ASTN1: variants seen among roughly 807,000 people sequenced by gnomAD.
ASTN1 encodes the protein astrotactin-1.
ASTN1 carries 41 observed loss-of-function variants against 140.7 expected under a neutral mutation model. The observed-to-expected ratio is 0.29, with a 90% CI of 0.23 to 0.38. ASTN1 has a LOEUF of 0.38. Ranked by LOEUF, ASTN1 falls within the 10% of genes least tolerant of loss-of-function variation. ASTN1 has a pLI of 1.00. For synonymous variants in ASTN1, 640 were observed against 652.2 expected (o/e 0.98, Z 0.29); for missense variants, 1,479 against 1,678.8 (o/e 0.88, Z 2.08).
intron 1 of ASTN1, among the ~76,000 whole-genome samples, chr1:177,120,009 T>C (rs555653577): frequency 6.6e-6 from 1 of 152,228 alleles, no homozygotes; most frequent in African/African-American, 2.4e-5. Context: ...AGGAACTTGA[T>C]AAAGAATCCA....
rs1249008709 is a variant in ASTN1 at position 176,934,103 on chromosome 1, G to T, written c.2671+49C>A. 2.6e-6 allele frequency: 4 copies of T among 1,530,428 alleles called. No homozygotes were observed. The South Asian group carries it at 4.9e-5, about 19-fold the overall frequency. The allele number at this position is 1,530,428 out of a possible 1,614,324, so 94.8% of individuals were successfully genotyped here. A position where few individuals can be genotyped will look rare whatever the true frequency, so the allele number is the denominator to read the frequency against. The stretch of plus-strand genomic sequence containing the variant: ...GGGTCTTATAGATTGTATGCAGGTA[G>T]CCAGTACTGGCATGAGGTATGGAAT... On this transcript the variant is annotated intron_variant, in intron 16 of 22. Coordinates refer to ENST00000361833, the MANE Select transcript of ASTN1 (RefSeq NM_004319.3).
At chr1:176,905,868 A>T (rs1669972228) in intron 16 of ASTN1, among the ~76,000 whole-genome samples, 1 of 152,110 alleles carries the variant, frequency 6.6e-6, no homozygotes, top group Non-Finnish European at 1.5e-5. Context: ...TGCAACCCAA[A>T]CTGGTTGGTG....
chr1:177,028,085 C>T (rs1420361124), intron 5 of ASTN1, among the ~76,000 whole-genome samples: 1 of 152,138 alleles, frequency 6.6e-6, no homozygotes, highest in Non-Finnish European at 1.5e-5. Context: ...AGGCATTCCC[C>T]ACCCCTAAGA....
At chr1:176,902,541 T>G (rs1004322802) in intron 16 of ASTN1, among the ~76,000 whole-genome samples, 2 of 152,200 alleles carry the variant, frequency 1.3e-5, no homozygotes, top group Non-Finnish European at 2.9e-5. Context: ...GAGGTTTTGG[T>G]GTAGATGCCG....
chr1:176,891,135 G>A (rs565922895), intron 17 of ASTN1, among the ~76,000 whole-genome samples: 1 of 152,314 alleles, frequency 6.6e-6, no homozygotes, highest in South Asian at 2.1e-4. Flanking sequence ...AATTAAGAAG[G>A]AGCCCATTTG....
At chr1:177,014,114 T>C (rs144630339) in intron 8 of ASTN1, among the ~76,000 whole-genome samples, 6 of 151,604 alleles carry the variant, frequency 4.0e-5, no homozygotes, top group Admixed American at 3.3e-4. Context: ...ATTTACTTAA[T>C]GCCACTGAAT....
At chr1:176,964,212 A>G (rs1672777780) in intron 9 of ASTN1, among the ~76,000 whole-genome samples, 1 of 152,098 alleles carries the variant, frequency 6.6e-6, no homozygotes, top group African/African-American at 2.4e-5. Context: ...AAGAAGTGAG[A>G]CTCAGCAAAC....
At chr1:176,997,750 G>A (rs1054139106) in intron 8 of ASTN1, among the ~76,000 whole-genome samples, 6 of 152,118 alleles carry the variant, frequency 3.9e-5, no homozygotes, top group Admixed American at 2.0e-4. Context: ...GACAAGGCAC[G>A]CTGGGACGAT....
In ASTN1 at chr1:176,983,650, C is replaced by A. The variant is rs574523907; in HGVS notation, c.1524-18413G>T. Reference sequence around the variant, plus strand: ...ACAGGGTTGTTTTCTGTTCTCTTCCCAAACTTGTTCTGATTTGGGGTGTGA... The same window carrying A: ...ACAGGGTTGTTTTCTGTTCTCTTCCAAAACTTGTTCTGATTTGGGGTGTGA... On this transcript the variant is annotated intron_variant, in intron 8 of 22. Transcript: ENST00000361833. Among the ~76,000 whole-genome samples the A allele has an allele frequency of 2.6e-5, 4 of 152,270 alleles. No homozygotes were observed. The South Asian group carries it at 8.3e-4, about 32-fold the overall frequency.
intron 16 of ASTN1, among the ~76,000 whole-genome samples, chr1:176,930,995 G>A (rs2103086991): frequency 6.6e-6 from 1 of 152,272 alleles, no homozygotes; most frequent in African/African-American, 2.4e-5. Flanking sequence ...AGAGGAAGCA[G>A]GGAGGGATGG....
intron 1 of ASTN1, among the ~76,000 whole-genome samples, chr1:177,142,890 AG>A (rs1682536048): frequency 5.8e-5 from 8 of 138,474 alleles, no homozygotes; most frequent in Admixed American, 4.9e-4. Flanking sequence ...AGGAGCAAGG[AG>A]GAAAAAAAAA....
intron 2 of ASTN1, among the ~76,000 whole-genome samples, chr1:177,041,387 T>C (rs1676965116): frequency 6.6e-6 from 1 of 152,210 alleles, no homozygotes; most frequent in African/African-American, 2.4e-5. Flanking sequence ...GTGTGTATTA[T>C]GTACAACAGA....
At chr1:177,141,259 C>G (rs1207344179) in intron 1 of ASTN1, among the ~76,000 whole-genome samples, 1 of 152,006 alleles carries the variant, frequency 6.6e-6, no homozygotes. Context: ...GCACTTACTT[C>G]CTAGGATTGT....
At chr1:177,140,840 G>A (rs1434956092) in intron 1 of ASTN1, among the ~76,000 whole-genome samples, 1 of 152,188 alleles carries the variant, frequency 6.6e-6, no homozygotes, top group Non-Finnish European at 1.5e-5. Context: ...ACTGAAGGAT[G>A]TATTTTTTTC....
intron 11 of ASTN1, among the ~76,000 whole-genome samples, chr1:176,956,050 C>A (rs1364447834): frequency 1.3e-5 from 2 of 152,124 alleles, no homozygotes; most frequent in Non-Finnish European, 2.9e-5. Flanking sequence ...CAGCTGGGAG[C>A]ACATTGCTTA....
intron 8 of ASTN1, among the ~76,000 whole-genome samples, chr1:177,004,239 T>A (rs1674882509): frequency 6.7e-6 from 1 of 149,938 alleles, no homozygotes; most frequent in Admixed American, 6.6e-5. Flanking sequence ...AAAAAAAAAA[T>A]ACCTAGGAAA....
intron 1 of ASTN1, among the ~76,000 whole-genome samples, chr1:177,066,482 G>A (rs1678361784): frequency 6.6e-6 from 1 of 152,174 alleles, no homozygotes; most frequent in South Asian, 2.1e-4. Context: ...TGGATTGTGA[G>A]CTTGTAGCAC....
intron 3 of ASTN1, 68 bp from the exon 4 acceptor site, chr1:177,031,020 T>G: frequency 6.6e-7 from 1 of 1,506,472 alleles, no homozygotes; most frequent in Non-Finnish European, 9.1e-7. Context: ...AAGAAGGAAA[T>G]CTGCATAAAC....
chr1:176,886,549 C>G (rs894119235), intron 18 of ASTN1, among the ~76,000 whole-genome samples: 2 of 152,166 alleles, frequency 1.3e-5, no homozygotes, highest in Admixed American at 1.3e-4. Flanking sequence ...GAACAGGAAG[C>G]CAAAGGCTAG....
Sources: allele counts gnomAD v4.1 joint callset (sites outside exome capture counted in the v4.1 genomes callset), GRCh38; gene constraint gnomAD v4.1.1; transcripts MANE v1.5; gene names NCBI Gene and HGNC (gene_info 2026-07-23, HGNC 2026-07-21).